ZNF728: variants seen among roughly 807,000 people sequenced by gnomAD.
The protein encoded by ZNF728 is zinc finger protein 728.
In ZNF728, 12 loss-of-function variants were observed where a neutral mutation model predicts 12.5. That is an observed-to-expected ratio of 0.96 (90% CI 0.61 to 1.55). The LOEUF (loss-of-function observed/expected upper bound fraction) is 1.55. ZNF728 is among the 40% of genes most tolerant of loss of function. The pLI, the probability that ZNF728 is intolerant of heterozygous loss-of-function variation, is 0.00. For missense variants in ZNF728, 692 were observed against 719.2 expected (o/e 0.96, Z 0.43); for synonymous variants, 205 against 240.7 (o/e 0.85, Z 1.37).
intron 3 of ZNF728, among the ~76,000 whole-genome samples, chr19:22,977,313 G>T (rs1446071249): frequency 6.6e-6 from 1 of 151,990 alleles, no homozygotes; most frequent in Middle Eastern, 3.2e-3. Context: ...AGTTAAGTGT[G>T]TACAGTGTCT....
In ZNF728 at chr19:23,003,152, A is replaced by C; in HGVS notation, c.-122T>G. On this transcript the variant is annotated 5_prime_UTR_variant, in exon 1 of 4. Transcript: ENST00000594710. The stretch of plus-strand genomic sequence containing the variant: ...ACACAGCAGTAAGGACGACACCTTG[A>C]CCTCCGCGTGCAGCGAGAGCCAACG... 1 of 1,194,756 alleles carries C rather than the reference A, an allele frequency of 8.4e-7. No individual in the cohort carries two copies. The highest frequency in any genetic ancestry group is 1.1e-6 in the Non-Finnish European group (1 of 870,878). 74.0% of individuals were successfully genotyped at this position (1,194,756 alleles called of 1,614,324 possible).
chr19:23,002,170 C>A (rs529966416), intron 1 of ZNF728, among the ~76,000 whole-genome samples: 1 of 152,154 alleles, frequency 6.6e-6, no homozygotes, highest in East Asian at 1.9e-4. Context: ...ACAAAGTTAA[C>A]GGGGCGTGGT....
At chr19:22,992,755 G>A (rs1341372980) in intron 1 of ZNF728, among the ~76,000 whole-genome samples, 1 of 152,020 alleles carries the variant, frequency 6.6e-6, no homozygotes, top group East Asian at 1.9e-4. Flanking sequence ...TCTCACAATG[G>A]GACAGAAGCA....
chr19:22,976,449 G>A lies in ZNF728; in HGVS notation c.888C>T (p.Ala296=), dbSNP rs761789017. The A allele has an allele frequency of 2.6e-4, 423 of 1,612,386 alleles. No individual in the cohort carries two copies. The highest frequency in any genetic ancestry group is 4.9e-4 in the Middle Eastern group (3 of 6,076). The change falls in exon 4 of 4, where the codon GCC becomes GCT. Residue 296 remains alanine, a synonymous_variant. Transcript: ENST00000594710. ...TTGTCTTATGTGCAGTAAGGGTTGAGGCCTTACTAAAGGCTTTGCCACATT... is the reference window on the plus strand; with the variant it reads ...TTGTCTTATGTGCAGTAAGGGTTGAAGCCTTACTAAAGGCTTTGCCACATT... ...CEECGKAFSK[A]STLTAHKTIH...
Position 22,976,305 on chromosome 19 carries a change from T to C in ZNF728, c.1032A>G (p.Glu344=), listed in dbSNP as rs577948762. ...HTGEKPCKCE[E]CGKAFGNFST... is the part of the protein sequence containing the mutation. ...AGAAGTTACCAAAGGCTTTGCCACATTCTTCACATTTGCAGGGCTTCTCTC... is the reference window on the plus strand; with the variant it reads ...AGAAGTTACCAAAGGCTTTGCCACACTCTTCACATTTGCAGGGCTTCTCTC... The change falls in exon 4 of 4, where the codon GAA becomes GAG. Residue 344 remains glutamate (E), a synonymous_variant. Coordinates refer to ENST00000594710, the MANE Select transcript of ZNF728 (RefSeq NM_001267716.2). 1.2e-6 allele frequency: 2 copies of C among 1,613,438 alleles called. No individual in the cohort carries two copies. Among genetic ancestry groups the C allele is most frequent in the Admixed American group, 1.7e-5 (1 of 59,948 alleles).
rs1968925142 is a variant in ZNF728, at chr19:22,987,175, A to G, written c.226+133T>C. ...ATGCCACTGTGTGAGAGAAAATTAAAAAATAAAAATAAAAATTAGGCTTTC... is the reference window on the plus strand; with the variant it reads ...ATGCCACTGTGTGAGAGAAAATTAAGAAATAAAAATAAAAATTAGGCTTTC... On this transcript the variant is annotated intron_variant, in intron 3 of 3. Coordinates refer to ENST00000594710, the MANE Select transcript of ZNF728 (RefSeq NM_001267716.2). 1.4e-5 allele frequency: 12 copies of G among 828,124 alleles called. No individual in the cohort carries two copies. In the South Asian group the frequency reaches 2.9e-4, roughly 20 times the overall value. 51.3% of individuals were successfully genotyped at this position (828,124 alleles called of 1,614,324 possible). A position where few individuals can be genotyped will look rare whatever the true frequency, so the allele number is the denominator to read the frequency against.
rs368964626 is a variant in ZNF728, at chr19:22,975,124, G to C, written c.*344C>G. ...AGTTTCAGGTGTTGCCAAAAGCCTT[G>C]TCACATCTTTCAGGTTTGCAGTTTC... On this transcript the variant is annotated 3_prime_UTR_variant, in exon 4 of 4. Transcript: ENST00000594710. 6.6e-6 allele frequency among the ~76,000 whole-genome samples: 1 copy of C among 152,158 alleles called. No homozygotes were observed. The highest frequency in any genetic ancestry group is 6.5e-5 in the Admixed American group (1 of 15,274).
intron 1 of ZNF728, among the ~76,000 whole-genome samples, chr19:22,996,974 T>A (rs1417442728): frequency 6.6e-6 from 1 of 152,134 alleles, no homozygotes; most frequent in Non-Finnish European, 1.5e-5. Flanking sequence ...GAGAAAGATG[T>A]TATTAAGAAA....
rs1314010789 is a variant in ZNF728, at chr19:22,975,383, T to G, written c.*85A>C. On this transcript the variant is annotated 3_prime_UTR_variant, in exon 4 of 4. Transcript: ENST00000594710. ...AACAGTTAAAAAATTTGCCACATTCTTCACATTTGTAGGGTTTCCCTCCTG... is the reference window on the plus strand; with the variant it reads ...AACAGTTAAAAAATTTGCCACATTCGTCACATTTGTAGGGTTTCCCTCCTG... 3.7e-6 allele frequency: 5 copies of G among 1,353,820 alleles called. No homozygotes were observed. The highest frequency in any genetic ancestry group is 4.8e-5 in the Admixed American group (2 of 41,746). 83.9% of individuals were successfully genotyped at this position (1,353,820 alleles called of 1,614,324 possible).
intron 3 of ZNF728, among the ~76,000 whole-genome samples, chr19:22,985,999 A>C (rs1025478954): frequency 6.6e-6 from 1 of 152,150 alleles, no homozygotes; most frequent in African/African-American, 2.4e-5. Flanking sequence ...CTCTGTCCAA[A>C]AATAAAATGG....
chr19:22,976,598 T>C lies in ZNF728; in HGVS notation c.739A>G (p.Lys247Glu), dbSNP rs2116933. 29,959 of 1,612,316 alleles carry C rather than the reference T, an allele frequency of 0.019. 356 individuals carry two copies. Among genetic ancestry groups the C allele is most frequent in the Non-Finnish European group, 0.023 (26,729 of 1,179,578 alleles). ...FSKFSILTKH[K>E]VIHTGEKHYK... ...TGTTTCTCTCCAGTATGAATTACCT[T>C]ATGCTTAGTAAGGATTGAGAACTTA... Residue 247 changes from lysine to glutamate, a missense_variant, in exon 4 of 4, where the codon AAG (lysine) becomes GAG (glutamate). Transcript: ENST00000594710.
Position 22,975,699 on chromosome 19 carries a change from G to T in ZNF728, c.1638C>A (p.Ile546=). 6.2e-7 allele frequency: 1 copy of T among 1,610,124 alleles called. No homozygotes were observed. Among genetic ancestry groups the T allele is most frequent in the South Asian group, 1.1e-5 (1 of 90,938 alleles). The change falls in exon 4 of 4, where the codon ATC becomes ATA. Residue 546 remains isoleucine (I), a synonymous_variant. Transcript: ENST00000594710. The part of the protein sequence containing the change: ...YKCEECGKAF[I]WSSRLSEHKR... ...TATGTTCACTAAGTCTTGAGGACCA[G>T]ATGAAGGCTTTGCCACATTCTTCAC...
chr19:22,984,841 TA>T (rs1436852393), intron 3 of ZNF728, among the ~76,000 whole-genome samples: 2 of 151,884 alleles, frequency 1.3e-5, no homozygotes, highest in Non-Finnish European at 2.9e-5. Context: ...AAAATAATAA[TA>T]ATAATAATAA....
At chr19:22,981,880 C>G (rs554048256) in intron 3 of ZNF728, among the ~76,000 whole-genome samples, 6 of 152,192 alleles carry the variant, frequency 3.9e-5, no homozygotes, top group Admixed American at 3.9e-4. Flanking sequence ...GAACGTATCT[C>G]AAAATAATAA....
At chr19:22,981,263 T>C (rs1205889524) in intron 3 of ZNF728, among the ~76,000 whole-genome samples, 2 of 152,012 alleles carry the variant, frequency 1.3e-5, no homozygotes, top group African/African-American at 4.8e-5. Flanking sequence ...TCTAAGCAAA[T>C]AAACTAGAAA....
At chr19:22,988,871 G>A (rs1968949770) in intron 1 of ZNF728, among the ~76,000 whole-genome samples, 1 of 152,052 alleles carries the variant, frequency 6.6e-6, no homozygotes. Context: ...GACCAACATG[G>A]AGAAACCACG....
intron 3 of ZNF728, among the ~76,000 whole-genome samples, chr19:22,986,856 A>G (rs544794969): frequency 3.9e-5 from 6 of 152,302 alleles, no homozygotes; most frequent in African/African-American, 1.4e-4. Context: ...GACTATAGTA[A>G]TAAAAACAGG....
At chr19:22,984,104 C>G (rs757395638) in intron 3 of ZNF728, among the ~76,000 whole-genome samples, 1 of 152,038 alleles carries the variant, frequency 6.6e-6, no homozygotes, top group African/African-American at 2.4e-5. Flanking sequence ...TCCTCAACAT[C>G]GGGATATACA....
chr19:22,981,974 C>T (rs1478973318), intron 3 of ZNF728, among the ~76,000 whole-genome samples: 2 of 152,106 alleles, frequency 1.3e-5, no homozygotes, highest in Non-Finnish European at 2.9e-5. Context: ...CGGCACAAGA[C>T]AAGGATGCCC....
Sources: allele counts gnomAD v4.1 joint callset (sites outside exome capture counted in the v4.1 genomes callset), GRCh38; gene constraint gnomAD v4.1.1; transcripts MANE v1.5; gene names NCBI Gene and HGNC (gene_info 2026-07-23, HGNC 2026-07-21).